Variants in CPAMD8 observed in about 807,000 individuals in gnomAD.
The protein encoded by CPAMD8 is C3 and PZP like alpha-2-macroglobulin domain containing 8.
In CPAMD8, 146 loss-of-function variants were observed where a neutral mutation model predicts 224.7. That is an observed-to-expected ratio of 0.65 (90% CI 0.57 to 0.75). The LOEUF is 0.75. Among genes scored for constraint, CPAMD8 ranks in the 30% least tolerant of loss-of-function variants. CPAMD8 has a pLI of 0.00. For synonymous variants in CPAMD8, 966 were observed against 1,044.6 expected, an observed-to-expected ratio of 0.92 and a Z score of 1.45; for missense variants, 2,301 against 2,537.5, an observed-to-expected ratio of 0.91 and a Z score of 2.00.
chr19:16,947,044 G>A, intron 21 of CPAMD8, 30 bp downstream of exon 21: 1 of 1,562,084 alleles, frequency 6.4e-7, no homozygotes. Flanking sequence ...CTGGAGAGGG[G>A]GGACACCCCA....
chr19:17,015,744 C>G (rs1568606169), intron 3 of CPAMD8, among the ~76,000 whole-genome samples: 2 of 152,172 alleles, frequency 1.3e-5, no homozygotes, highest in Admixed American at 1.3e-4. Context: ...CCCGGCCACC[C>G]AAGAGCAGGG....
intron 1 of CPAMD8, among the ~76,000 whole-genome samples, chr19:17,024,259 T>G (rs1338810918): frequency 6.6e-6 from 1 of 152,200 alleles, no homozygotes; most frequent in Non-Finnish European, 1.5e-5. Context: ...GTGATCATAG[T>G]GTGCTACATC....
At chr19:17,023,566 T>C (rs1049294173) in intron 1 of CPAMD8, among the ~76,000 whole-genome samples, 2 of 152,074 alleles carry the variant, frequency 1.3e-5, no homozygotes, top group African/African-American at 4.8e-5. Context: ...TTTTCTTTTT[T>C]TATTTTTATT....
At chr19:16,921,387 A>G (rs1045362950) in intron 27 of CPAMD8, among the ~76,000 whole-genome samples, 7 of 152,040 alleles carry the variant, frequency 4.6e-5, no homozygotes, top group African/African-American at 7.3e-5. Flanking sequence ...AAGAACTGCA[A>G]TAGCCTGAGG....
At chr19:17,005,515 C>T (rs1039524699) in intron 7 of CPAMD8, among the ~76,000 whole-genome samples, 6 of 152,098 alleles carry the variant, frequency 3.9e-5, no homozygotes, top group South Asian at 2.1e-4. Context: ...ATTTGCTTTG[C>T]GCCTGTGCCT....
intron 3 of CPAMD8, among the ~76,000 whole-genome samples, chr19:17,013,790 T>C (rs1279046749): frequency 1.3e-5 from 2 of 151,740 alleles, no homozygotes; most frequent in Non-Finnish European, 2.9e-5. Flanking sequence ...AATGGTTAGA[T>C]GGCTTTTTTG....
intron 25 of CPAMD8, among the ~76,000 whole-genome samples, chr19:16,926,571 C>T (rs1376706542): frequency 6.6e-6 from 1 of 152,228 alleles, no homozygotes; most frequent in Non-Finnish European, 1.5e-5. Flanking sequence ...CTGCCTCGGC[C>T]TCCCAAAGTG....
rs1224823769 is a variant in CPAMD8 at position 16,906,989 on chromosome 19, C to T, written c.3990G>A (p.Glu1330=). The stretch of plus-strand genomic sequence containing the variant: ...CCAGGCTACGGAGCTTGCGCAGTGC[C>T]TCAGGGGCTGCCGGGCTGCGGAGCA... ...LTLLRSPAAP[E]ALRKLRSLAI... Residue 1330 remains glutamate (E), a synonymous_variant, in exon 30 of 42, where the codon GAG becomes GAA. Transcript: ENST00000443236. 6.3e-7 allele frequency: 1 copy of T among 1,599,268 alleles called. No individual in the cohort carries two copies. The highest frequency in any genetic ancestry group is 1.8e-5 in the Admixed American group (1 of 56,472).
At chr19:17,015,403 T>C (rs2056783438) in intron 3 of CPAMD8, among the ~76,000 whole-genome samples, 1 of 152,138 alleles carries the variant, frequency 6.6e-6, no homozygotes, top group Admixed American at 6.5e-5. Flanking sequence ...ATCTGACTGA[T>C]CATCACAGTT....
chr19:16,938,753 C>T (rs2053781974), intron 22 of CPAMD8, among the ~76,000 whole-genome samples: 1 of 152,184 alleles, frequency 6.6e-6, no homozygotes, highest in African/African-American at 2.4e-5. Context: ...CCCAGCCACC[C>T]TCTTCCTCCC....
intron 14 of CPAMD8, 70 bp from the exon 15 acceptor site, chr19:16,977,610 C>T: frequency 7.8e-7 from 1 of 1,275,066 alleles, no homozygotes; most frequent in African/African-American, 1.5e-5. Context: ...GCCATTCAGG[C>T]TCTGCCCCAA....
intron 16 of CPAMD8, among the ~76,000 whole-genome samples, chr19:16,975,683 A>G (rs1458746347): frequency 6.6e-6 from 1 of 152,112 alleles, no homozygotes; most frequent in Non-Finnish European, 1.5e-5. Flanking sequence ...ACTCCAGCCC[A>G]GGCAACAGAG....
At chr19:17,008,641 C>T in intron 6 of CPAMD8, 82 bp from the exon 7 acceptor site, 3 of 1,458,024 alleles carry the variant, frequency 2.1e-6, no homozygotes, top group Non-Finnish European at 2.9e-6. Flanking sequence ...TTTTCCCAGT[C>T]CTCTCTCTTG....
Position 16,938,462 on chromosome 19 carries a change from A to C in CPAMD8, c.2794-16T>G. ...CTCCTTCCGCCTGAAACAAAGAAAC[A>C]AGGAGAACTGAGTGCTGGGGCGGTG... On this transcript the variant is annotated splice_polypyrimidine_tract_variant and intron_variant, in intron 22 of 41. Coordinates refer to ENST00000443236, the MANE Select transcript of CPAMD8 (RefSeq NM_015692.5). The C allele has an allele frequency of 6.5e-7, 1 of 1,544,154 alleles. No individual in the cohort carries two copies. The highest frequency in any genetic ancestry group is 1.9e-5 in the Admixed American group (1 of 53,772).
intron 18 of CPAMD8, among the ~76,000 whole-genome samples, chr19:16,963,317 A>G (rs2122538642): frequency 6.6e-6 from 1 of 152,344 alleles, no homozygotes; most frequent in South Asian, 2.1e-4. Flanking sequence ...GCAGAGACAC[A>G]CATAGTCTCA....
chr19:16,949,683 C>T (rs2054237175), intron 20 of CPAMD8, among the ~76,000 whole-genome samples: 1 of 152,186 alleles, frequency 6.6e-6, no homozygotes, highest in Non-Finnish European at 1.5e-5. Context: ...ACCCCAAAGC[C>T]AAGCCAAACT....
intron 30 of CPAMD8, 51 bp from the exon 31 acceptor site, chr19:16,904,603 G>GGAGC (rs2052398040): frequency 8.0e-7 from 1 of 1,254,852 alleles, no homozygotes; most frequent in South Asian, 1.2e-5. Context: ...TGTGTAGCCT[G>GGAGC]GCATCCCATG....
intron 29 of CPAMD8, among the ~76,000 whole-genome samples, chr19:16,909,806 G>C (rs2052656004): frequency 6.6e-6 from 1 of 152,200 alleles, no homozygotes; most frequent in Non-Finnish European, 1.5e-5. Context: ...ACTCAGGCTG[G>C]AGTGTAGTGG....
chr19:16,935,691 T>C (rs536166255), intron 23 of CPAMD8, among the ~76,000 whole-genome samples: 1 of 152,342 alleles, frequency 6.6e-6, no homozygotes, highest in African/African-American at 2.4e-5. Context: ...CTACTACAAA[T>C]AAAGCTAATA....
Sources: gnomAD v4.1 joint callset for allele counts (sites outside exome capture counted in the v4.1 genomes callset) on GRCh38, gnomAD v4.1.1 for gene constraint, MANE v1.5 for transcripts, NCBI Gene and HGNC (gene_info 2026-07-23, HGNC 2026-07-21) for gene names.